Variants in RPS6KA2 observed in about 807,000 individuals in gnomAD.
RPS6KA2 encodes the protein ribosomal protein S6 kinase A2, also known as ribosomal protein S6 kinase alpha-2.
Under a neutral mutation model 91.8 loss-of-function variants are expected in RPS6KA2, and 42 were observed. That is an observed-to-expected ratio of 0.46 (90% confidence interval 0.36 to 0.59). The LOEUF is 0.59. Among genes scored for constraint, RPS6KA2 ranks in the 20% least tolerant of loss-of-function variants. RPS6KA2 has a pLI of 0.00. For missense variants in RPS6KA2, 798 were observed against 978.5 expected, an observed-to-expected ratio of 0.82 and a Z score of 2.46; for synonymous variants, 414 against 393.6, an observed-to-expected ratio of 1.05 and a Z score of -0.61.
intron 2 of RPS6KA2, among the ~76,000 whole-genome samples, chr6:166,818,937 G>C (rs910572743): frequency 2.0e-5 from 3 of 151,990 alleles, no homozygotes; most frequent in African/African-American, 4.8e-5. Flanking sequence ...ACTGCTCCAA[G>C]GATGCTCCCT....
chr6:166,564,071 C>G (rs1784422025), intron 1 of RPS6KA2, among the ~76,000 whole-genome samples: 2 of 152,334 alleles, frequency 1.3e-5, no homozygotes, highest in South Asian at 4.1e-4. Context: ...GGATAATAAA[C>G]TATGTCCCAG....
At chr6:166,476,327 C>T (rs930302228) in intron 10 of RPS6KA2, among the ~76,000 whole-genome samples, 2 of 152,190 alleles carry the variant, frequency 1.3e-5, no homozygotes, top group South Asian at 2.1e-4. Flanking sequence ...GGACACATTT[C>T]TGCTGTTCAA....
At chr6:166,700,685 T>C (rs563471616) in intron 2 of RPS6KA2, among the ~76,000 whole-genome samples, 33 of 152,284 alleles carry the variant, frequency 2.2e-4, no homozygotes, top group African/African-American at 7.2e-4. Flanking sequence ...CCTGTAATAA[T>C]TATTCTGCTC....
At chr6:166,538,450 C>T (rs144766821) in intron 2 of RPS6KA2, among the ~76,000 whole-genome samples, 2 of 152,178 alleles carry the variant, frequency 1.3e-5, no homozygotes, top group African/African-American at 2.4e-5. Flanking sequence ...GTGCATGTGA[C>T]GGCTCCAACG....
At chr6:166,741,535 A>G (rs1469681434) in intron 2 of RPS6KA2, among the ~76,000 whole-genome samples, 1 of 152,272 alleles carries the variant, frequency 6.6e-6, no homozygotes, top group Non-Finnish European at 1.5e-5. Context: ...TGGATAATTT[A>G]ACAGCCTCTA....
At position 166,626,775 on chromosome 6, in the gene RPS6KA2, T is replaced by G; in HGVS notation, c.99+146A>C. The G allele has an allele frequency of 6.1e-5, 36 of 586,304 alleles. No homozygotes were observed. Among genetic ancestry groups the G allele is most frequent in the East Asian group, 7.4e-5 (2 of 27,196 alleles). The allele number at this position is 586,304 out of a possible 1,614,324, so 36.3% of individuals were successfully genotyped here. ...AGCGATAACGTTTGGAGCCGTTTGG[T>G]TCGATTTTCGGAACCGGACCAGCTT... On this transcript the variant is annotated intron_variant, in intron 1 of 20. Coordinates refer to ENST00000265678, the MANE Select transcript of RPS6KA2 (RefSeq NM_021135.6). The surrounding 1 kb of genome is among the most constrained non-coding windows in gnomAD (Gnocchi z 4.1).
rs547546272 is a variant in RPS6KA2 at position 166,800,059 on chromosome 6, T to C, written c.123+58141A>G. Among the ~76,000 whole-genome samples, 26 of 152,330 alleles carry C rather than the reference T, an allele frequency of 1.7e-4. No homozygotes were observed. In the East Asian group the frequency reaches 5.0e-3, roughly 29 times the overall value. ...TCCTTTTAAACACCAGGTATTTTTT[T>C]TGTTTCTGGCAGTCTCCAGCCTAAT... On this transcript the variant is annotated intron_variant, in intron 2 of 21. Transcript: ENST00000503859.
chr6:166,455,826 C>A (rs1204332100), intron 12 of RPS6KA2, among the ~76,000 whole-genome samples: 2 of 152,192 alleles, frequency 1.3e-5, no homozygotes, highest in South Asian at 4.1e-4. Context: ...AGATTCTCCC[C>A]CGGAAAAATG....
chr6:166,456,678 T>C (rs1172606420), intron 12 of RPS6KA2, among the ~76,000 whole-genome samples: 5 of 152,228 alleles, frequency 3.3e-5, no homozygotes, highest in Non-Finnish European at 5.9e-5. Context: ...CAGAGTCACA[T>C]TTCTACAGCT....
chr6:166,723,578 G>C (rs78780124), intron 2 of RPS6KA2, among the ~76,000 whole-genome samples: 1 of 152,170 alleles, frequency 6.6e-6, no homozygotes, highest in East Asian at 1.9e-4. Flanking sequence ...AAACAGAAGC[G>C]AGGGCACTGT....
chr6:166,703,642 T>C (rs1318174962), intron 2 of RPS6KA2, among the ~76,000 whole-genome samples: 1 of 152,216 alleles, frequency 6.6e-6, no homozygotes, highest in Admixed American at 6.5e-5. Context: ...GTCTTTCTCT[T>C]GGTTGCTCAA....
chr6:166,843,271 C>T lies in RPS6KA2; in HGVS notation c.123+14929G>A, dbSNP rs565890569. Among the ~76,000 whole-genome samples the T allele has an allele frequency of 5.1e-4, 78 of 152,324 alleles. 2 individuals are homozygous for T. The South Asian group carries it at 0.016, about 32-fold the overall frequency. On this transcript the variant is annotated intron_variant, in intron 2 of 21. Transcript: ENST00000503859. ...TCAGAAACACCTAACCCTGTCCCAC[C>T]TGGGGGTCTTTCTCTACCTGCCTTG...
chr6:166,502,959 A>G (rs1294890106), intron 6 of RPS6KA2, among the ~76,000 whole-genome samples: 1 of 152,200 alleles, frequency 6.6e-6, no homozygotes, highest in Non-Finnish European at 1.5e-5. Context: ...ATTTTGCAAT[A>G]TTTACTTATA....
At chr6:166,628,709 C>T (rs1342887663), upstream of RPS6KA2, among the ~76,000 whole-genome samples, 1 of 152,202 alleles carries the variant, frequency 6.6e-6, no homozygotes, top group African/African-American at 2.4e-5. Flanking sequence ...ACTTGGGTGC[C>T]GTTGCACGTT....
intron 10 of RPS6KA2, among the ~76,000 whole-genome samples, chr6:166,487,536 A>C (rs1781453102): frequency 6.6e-6 from 1 of 152,346 alleles, no homozygotes; most frequent in African/African-American, 2.4e-5. Context: ...GAGTGGAATA[A>C]AATATCTGCT....
chr6:166,661,906 CT>C (rs1447114418), intron 2 of RPS6KA2, among the ~76,000 whole-genome samples: 3 of 152,184 alleles, frequency 2.0e-5, no homozygotes, highest in Non-Finnish European at 4.4e-5. Flanking sequence ...CCATAGCCAA[CT>C]TTCCCACATG....
intron 2 of RPS6KA2, among the ~76,000 whole-genome samples, chr6:166,687,628 G>C (rs1789066064): frequency 6.6e-6 from 1 of 152,218 alleles, no homozygotes; most frequent in African/African-American, 2.4e-5. Flanking sequence ...TGAATTATTT[G>C]AATTGCAGGA....
At chr6:166,605,635 G>A (rs955287251) in intron 1 of RPS6KA2, among the ~76,000 whole-genome samples, 1 of 152,152 alleles carries the variant, frequency 6.6e-6, no homozygotes, top group South Asian at 2.1e-4. Context: ...AACATGTAGA[G>A]TATGATTTAA....
At position 166,821,078 on chromosome 6, in the gene RPS6KA2, T is replaced by C. The variant is rs1370594734; in HGVS notation, c.123+37122A>G. On this transcript the variant is annotated intron_variant, in intron 2 of 21. Coordinates refer to the RPS6KA2 transcript ENST00000503859. This position sits in a 1 kb window ranked among gnomAD's most constrained non-coding sequence, Gnocchi z 4.1. Reference sequence around the variant, plus strand: ...GTCCAGGGCTATAGGGATTTGGATATTGAATTAGGTTACCATATTTTGTAT... The same window carrying C: ...GTCCAGGGCTATAGGGATTTGGATACTGAATTAGGTTACCATATTTTGTAT... Among the ~76,000 whole-genome samples the C allele has an allele frequency of 6.6e-6, 1 of 152,126 alleles. No homozygotes were observed. Among genetic ancestry groups the C allele is most frequent in the African/African-American group, 2.4e-5 (1 of 41,422 alleles).
Sources: allele counts gnomAD v4.1 joint callset (sites outside exome capture counted in the v4.1 genomes callset), GRCh38; gene constraint gnomAD v4.1.1; non-coding constraint Gnocchi (gnomAD v3.1); transcripts MANE v1.5; gene names NCBI Gene and HGNC (gene_info 2026-07-23, HGNC 2026-07-21).